Variants in UNC5C observed in about 807,000 individuals in gnomAD.
UNC5C encodes netrin receptor UNC5C.
A neutral mutation model predicts 99.8 loss-of-function variants in UNC5C; 47 were observed. The observed-to-expected ratio is 0.47, with a 90% CI of 0.37 to 0.60. The LOEUF (loss-of-function observed/expected upper bound fraction) is 0.60, where lower values mean the gene tolerates loss of function less well. Ranked by LOEUF, UNC5C falls within the 20% of genes least tolerant of loss-of-function variation. The pLI is 0.00. For synonymous variants in UNC5C, 487 were observed against 452.2 expected, an observed-to-expected ratio of 1.08 and a Z score of -0.98; for missense variants, 1,062 against 1,165.9, an observed-to-expected ratio of 0.91 and a Z score of 1.30.
At chr4:95,247,250 T>G (rs1739536354) in intron 5 of UNC5C, among the ~76,000 whole-genome samples, 1 of 151,956 alleles carries the variant, frequency 6.6e-6, no homozygotes, top group South Asian at 2.1e-4. Context: ...TATGAAATAC[T>G]GGTTAGATAT....
chr4:95,499,062 G>T (rs920810419), intron 1 of UNC5C, among the ~76,000 whole-genome samples: 2 of 152,040 alleles, frequency 1.3e-5, no homozygotes, highest in Non-Finnish European at 2.9e-5. Flanking sequence ...CTGATGAAAT[G>T]CAGACTCAAG....
intron 1 of UNC5C, among the ~76,000 whole-genome samples, chr4:95,449,697 G>A (rs891482501): frequency 1.3e-5 from 2 of 152,122 alleles, no homozygotes; most frequent in African/African-American, 4.8e-5. Flanking sequence ...ACTTGTAACT[G>A]AACAAATCTA....
At chr4:95,347,482 G>A (rs183274148) in intron 1 of UNC5C, among the ~76,000 whole-genome samples, 120 of 152,014 alleles carry the variant, frequency 7.9e-4, no homozygotes, top group African/African-American at 2.7e-3. Flanking sequence ...AAAACTGAAG[G>A]AATCACATTA....
Position 95,314,818 on chromosome 4 carries a change from G to A in UNC5C, c.347-13069C>T, listed in dbSNP as rs935714246. Among the ~76,000 whole-genome samples the A allele has an allele frequency of 3.7e-4, 56 of 152,080 alleles. No individual in the cohort carries two copies. In the Middle Eastern group the frequency reaches 9.5e-3, roughly 26 times the overall value. ...ATTGACTGTAAAGAAAATGATAATG[G>A]TACTTAAACACTATGACCTAGTATT... is the stretch of plus-strand genomic sequence containing the variant. On this transcript the variant is annotated intron_variant, in intron 2 of 15. Coordinates refer to ENST00000453304, the MANE Select transcript of UNC5C (RefSeq NM_003728.4).
At chr4:95,439,924 AG>A (rs1397339394) in intron 1 of UNC5C, among the ~76,000 whole-genome samples, 13 of 152,130 alleles carry the variant, frequency 8.5e-5, no homozygotes, top group African/African-American at 3.1e-4. Flanking sequence ...AGAAAAGGAG[AG>A]GAAAAAAAGA....
chr4:95,372,514 C>A (rs114431599), intron 1 of UNC5C, among the ~76,000 whole-genome samples: 241 of 152,248 alleles, frequency 1.6e-3, no homozygotes, highest in African/African-American at 5.5e-3. Flanking sequence ...TTATTGATTT[C>A]AAAGAGATTT....
At chr4:95,297,703 G>C (rs75224144) in intron 3 of UNC5C, among the ~76,000 whole-genome samples, 6,785 of 152,248 alleles carry the variant, frequency 0.045, 487 homozygotes, top group African/African-American at 0.15. Flanking sequence ...TCCTTGATAA[G>C]GCTTAGCCCT....
chr4:95,179,445 T>TATTA (rs991806214), intron 14 of UNC5C, among the ~76,000 whole-genome samples: 42 of 152,322 alleles, frequency 2.8e-4, no homozygotes, highest in African/African-American at 9.4e-4. Flanking sequence ...ATAAATCTAT[T>TATTA]ATTAAAGTAA....
chr4:95,520,861 AGTGCT>A (rs1722336423), intron 1 of UNC5C, among the ~76,000 whole-genome samples: 1 of 151,964 alleles, frequency 6.6e-6, no homozygotes, highest in African/African-American at 2.4e-5. Flanking sequence ...CGGCCCCCAA[AGTGCT>A]GGGATTACAA....
intron 1 of UNC5C, among the ~76,000 whole-genome samples, chr4:95,479,917 T>TCTCTGGA (rs1721084558): frequency 1.3e-5 from 2 of 148,874 alleles, no homozygotes; most frequent in South Asian, 2.1e-4. Flanking sequence ...TCTAATCTGT[T>TCTCTGGA]GAAGGACTGA....
chr4:95,330,963 C>T (rs549399035), intron 2 of UNC5C, among the ~76,000 whole-genome samples: 1 of 152,198 alleles, frequency 6.6e-6, no homozygotes, highest in Non-Finnish European at 1.5e-5. Context: ...ACCAACCCCC[C>T]TCACCCACCT....
Position 95,249,234 on chromosome 4 carries a change from G to T in UNC5C, c.775+1253C>A, listed in dbSNP as rs1739607375. On this transcript the variant is annotated intron_variant, in intron 5 of 15. Coordinates refer to ENST00000453304, the MANE Select transcript of UNC5C (RefSeq NM_003728.4). Reference sequence around the variant, plus strand: ...TTGCCCAGTGATGAAATCACCTAATGATGCAATTCTCAGAATGTGTCCCCA... The same window carrying T: ...TTGCCCAGTGATGAAATCACCTAATTATGCAATTCTCAGAATGTGTCCCCA... Among the ~76,000 whole-genome samples, 3 of 152,154 alleles carry T rather than the reference G, an allele frequency of 2.0e-5. No individual in the cohort carries two copies. In the South Asian group the frequency reaches 6.2e-4, roughly 32 times the overall value.
chr4:95,406,580 G>A (rs1745837726), intron 1 of UNC5C, among the ~76,000 whole-genome samples: 1 of 152,038 alleles, frequency 6.6e-6, no homozygotes, highest in Admixed American at 6.6e-5. Flanking sequence ...TCAGTACATG[G>A]CAAAAAAATA....
intron 3 of UNC5C, among the ~76,000 whole-genome samples, chr4:95,289,645 T>A (rs1190367408): frequency 6.6e-6 from 1 of 152,228 alleles, no homozygotes; most frequent in African/African-American, 2.4e-5. Flanking sequence ...GTAATAATAC[T>A]GTGTTCTTAA....
intron 1 of UNC5C, among the ~76,000 whole-genome samples, chr4:95,534,466 AAATAAG>A (rs1484412631): frequency 2.6e-5 from 4 of 152,206 alleles, no homozygotes; most frequent in Admixed American, 1.3e-4. Flanking sequence ...GAACCAAAAC[AAATAAG>A]AATGAGTATT....
At chr4:95,371,969 G>T (rs1215694777) in intron 1 of UNC5C, among the ~76,000 whole-genome samples, 2 of 152,092 alleles carry the variant, frequency 1.3e-5, no homozygotes, top group Admixed American at 6.6e-5. Flanking sequence ...AATGCAGCCA[G>T]CCCCAGAGCC....
At chr4:95,517,669 GA>G (rs1015554093) in intron 1 of UNC5C, among the ~76,000 whole-genome samples, 3 of 152,098 alleles carry the variant, frequency 2.0e-5, no homozygotes, top group African/African-American at 7.2e-5. Context: ...TTATGGCCAT[GA>G]AAAGTTGGAA....
intron 3 of UNC5C, among the ~76,000 whole-genome samples, chr4:95,292,740 T>C (rs1741524949): frequency 6.6e-6 from 1 of 152,242 alleles, no homozygotes; most frequent in South Asian, 2.1e-4. Context: ...AGTATTTTTA[T>C]TAAATGAACA....
chr4:95,315,106 A>G (rs114901011), intron 2 of UNC5C, among the ~76,000 whole-genome samples: 293 of 152,314 alleles, frequency 1.9e-3, no homozygotes, highest in African/African-American at 6.7e-3. Context: ...TAAAAAAGCA[A>G]CAAAGTTTCA....
Sources: allele counts gnomAD v4.1 joint callset (sites outside exome capture counted in the v4.1 genomes callset), GRCh38; gene constraint gnomAD v4.1.1; transcripts MANE v1.5; gene names NCBI Gene and HGNC (gene_info 2026-07-23, HGNC 2026-07-21).